The following TRMT1L variants were observed in gnomAD, a reference collection of about 807,000 sequenced individuals.
TRMT1L encodes the protein tRNA (guanine(27)-N(2))-dimethyltransferase.
Under a neutral mutation model 81.6 loss-of-function variants are expected in TRMT1L, and 28 were observed. That is an observed-to-expected ratio of 0.34 (90% CI 0.25 to 0.47). The LOEUF is 0.47. TRMT1L is among the 20% of genes least tolerant of loss of function. The probability of loss-of-function intolerance (pLI) is 1.00; values close to 1 mark genes in which losing one functional copy is unlikely to be tolerated. For synonymous variants in TRMT1L, 301 were observed against 303.2 expected, an observed-to-expected ratio of 0.99 and a Z score of 0.07; for missense variants, 739 against 877.1, an observed-to-expected ratio of 0.84 and a Z score of 1.99.
intron 4 of TRMT1L, 58 bp downstream of exon 4, chr1:185,147,124 T>G: frequency 7.9e-7 from 1 of 1,265,014 alleles, no homozygotes; most frequent in Non-Finnish European, 1.1e-6. Flanking sequence ...TAAGTAAAAA[T>G]TATGCTTTCT....
At chr1:185,138,413 A>G (rs1652953601) in intron 9 of TRMT1L, among the ~76,000 whole-genome samples, 2 of 152,308 alleles carry the variant, frequency 1.3e-5, no homozygotes, top group South Asian at 4.1e-4. Flanking sequence ...AGTAAACATC[A>G]GTTTTCAGGT....
At position 185,134,126 on chromosome 1, in the gene TRMT1L, A is replaced by C. The variant is rs1280381231; in HGVS notation, c.1513+3480T>G. Among the ~76,000 whole-genome samples, 3 of 152,190 alleles carry C rather than the reference A, an allele frequency of 2.0e-5. No homozygotes were observed. In the East Asian group the frequency reaches 5.8e-4, roughly 29 times the overall value. ...AACAGCTGTGACATTTTAACTGTTT[A>C]GGGAGTCAGGCAGAGGTTATTATTT... On this transcript the variant is annotated intron_variant, in intron 10 of 14. Transcript: ENST00000367506.
chr1:185,136,543 AG>A (rs1652904627), intron 10 of TRMT1L, among the ~76,000 whole-genome samples: 1 of 152,242 alleles, frequency 6.6e-6, no homozygotes, highest in African/African-American at 2.4e-5. Context: ...TCATATTTGT[AG>A]GAAGCTTCAA....
rs1221713704 is a variant in TRMT1L at position 185,123,874 on chromosome 1, T to A, written c.1805A>T (p.Asp602Val). 1 of 1,514,720 alleles carries A rather than the reference T, an allele frequency of 6.6e-7. No individual in the cohort carries two copies. The highest frequency in any genetic ancestry group is 2.4e-5 in the Admixed American group (1 of 41,826). The allele number at this position is 1,514,720 out of a possible 1,614,324, so 93.8% of individuals were successfully genotyped here. Reference sequence around the variant, plus strand: ...ATACATACCTTGTGCAATGTAATTATCTGTTGTGGTGTCATCTGTAGTTTT... The same window carrying A: ...ATACATACCTTGTGCAATGTAATTAACTGTTGTGGTGTCATCTGTAGTTTT... ...FIKTTDDTTT[D>V]NYIAQGKRKS... The change falls in exon 13 of 15, where the codon GAT (aspartate) becomes GTT (valine). Residue 602 changes from aspartate to valine, a missense_variant. Around this residue, in one of 4 missense-constraint regions of TRMT1L, gnomAD observed 196 missense variants for 232.6 expected, o/e 0.84. Coordinates refer to ENST00000367506, the MANE Select transcript of TRMT1L (RefSeq NM_030934.5).
chr1:185,122,138 A>G (rs1652515407), intron 13 of TRMT1L, among the ~76,000 whole-genome samples: 1 of 152,190 alleles, frequency 6.6e-6, no homozygotes, highest in Non-Finnish European at 1.5e-5. Flanking sequence ...TTATGGCTGC[A>G]TAGTATTCCT....
chr1:185,124,350 T>C (rs1328367315), intron 12 of TRMT1L, among the ~76,000 whole-genome samples: 1 of 151,910 alleles, frequency 6.6e-6, no homozygotes, highest in African/African-American at 2.4e-5. Context: ...TGTTTTTTTT[T>C]TCTTTTTTTA....
Position 185,125,067 on chromosome 1 carries a change from A to G in TRMT1L, c.1636T>C (p.Phe546Leu), listed in dbSNP as rs1015591613. 1.9e-6 allele frequency: 3 copies of G among 1,612,356 alleles called. No individual in the cohort carries two copies. The highest frequency in any genetic ancestry group is 2.7e-5 in the African/African-American group (2 of 74,902). Reference protein sequence around the residue: ...FNTGFLKRMLFESLHHGLDDI... With the variant: ...FNTGFLKRMLLESLHHGLDDI... ...TCCAAACCATGGTGAAGAGATTCAA[A>G]TAGCATTCTTTTGAGGAATCCAGTA... is the stretch of plus-strand genomic sequence containing the variant. The change falls in exon 12 of 15, where the codon TTT (phenylalanine) becomes CTT (leucine). Residue 546 changes from phenylalanine to leucine, a missense_variant. Transcript: ENST00000367506.
rs1653116621 is a variant in TRMT1L at position 185,143,920 on chromosome 1, T to C, written c.765A>G (p.Lys255=). 1.2e-6 allele frequency: 2 copies of C among 1,606,926 alleles called. No homozygotes were observed. Among genetic ancestry groups the C allele is most frequent in the Non-Finnish European group, 1.7e-6 (2 of 1,175,646 alleles). ...ATTTATCTTACCGATTTAGTTTCATTTTGGGGTTAAAATAGGAATCTGTTT... is the reference window on the plus strand; with the variant it reads ...ATTTATCTTACCGATTTAGTTTCATCTTGGGGTTAAAATAGGAATCTGTTT... ...PQKTDSYFNP[K]MKLNRQLIFC... is the part of the protein sequence containing the mutation. The change falls in exon 6 of 15, where the codon AAA becomes AAG. Residue 255 remains lysine (K), a synonymous_variant. Coordinates refer to ENST00000367506, the MANE Select transcript of TRMT1L (RefSeq NM_030934.5).
Position 185,139,428 on chromosome 1 carries a change from T to C in TRMT1L, c.1261A>G (p.Ile421Val). 6.2e-7 allele frequency: 1 copy of C among 1,614,158 alleles called. No individual in the cohort carries two copies. Among genetic ancestry groups the C allele is most frequent in the Non-Finnish European group, 8.5e-7 (1 of 1,180,012 alleles). Residue 421 changes from isoleucine to valine, a missense_variant, in exon 9 of 15, where the codon ATT becomes GTT. Ile to Val is a conservative substitution (Grantham distance 29, BLOSUM62 3). This residue lies in a region of TRMT1L where 331 missense variants were observed against 462.2 expected (regional missense o/e 0.72). Coordinates refer to ENST00000367506, the MANE Select transcript of TRMT1L (RefSeq NM_030934.5). ...HVARRHYGCN[I>V]VRTEYYKELA... Reference sequence around the variant, plus strand: ...TCCTTGTAATATTCAGTTCGGACAATGTTACATCCGTAGTGACGCCGGGCA... The same window carrying C: ...TCCTTGTAATATTCAGTTCGGACAACGTTACATCCGTAGTGACGCCGGGCA...
intron 13 of TRMT1L, among the ~76,000 whole-genome samples, chr1:185,121,181 G>A (rs1652491986): frequency 1.3e-5 from 2 of 152,268 alleles, no homozygotes; most frequent in African/African-American, 4.8e-5. Flanking sequence ...GAAAACAACT[G>A]AGATATCCAA....
At position 185,119,781 on chromosome 1, in the gene TRMT1L, C is replaced by G; in HGVS notation, c.*238G>C. On this transcript the variant is annotated 3_prime_UTR_variant, in exon 15 of 15. Transcript: ENST00000367506. ...AAGCAGTAGGGTGATCTCAGTGAGA[C>G]TTGGCTTCATATGAAATGTTTCCAT... 1 of 412,618 alleles carries G rather than the reference C, an allele frequency of 2.4e-6. No homozygotes were observed. Among genetic ancestry groups the G allele is most frequent in the East Asian group, 3.8e-5 (1 of 26,600 alleles). 25.6% of individuals were successfully genotyped at this position (412,618 alleles called of 1,614,324 possible). A position where few individuals can be genotyped will look rare whatever the true frequency, so the allele number is the denominator to read the frequency against.
rs1213556452 is a variant in TRMT1L at position 185,118,337 on chromosome 1, A to G, written c.*1682T>C. Reference sequence around the variant, plus strand: ...ACCTTTATATGTGAAATTAATATACACATATATTTTAGGTAACAGTAATTT... The same window carrying G: ...ACCTTTATATGTGAAATTAATATACGCATATATTTTAGGTAACAGTAATTT... On this transcript the variant is annotated 3_prime_UTR_variant, in exon 15 of 15. Coordinates refer to ENST00000367506, the MANE Select transcript of TRMT1L (RefSeq NM_030934.5). 1 of 152,174 alleles carries G rather than the reference A, an allele frequency of 6.6e-6. No homozygotes were observed. Among genetic ancestry groups the G allele is most frequent in the Non-Finnish European group, 1.5e-5 (1 of 68,026 alleles). 9.4% of individuals were successfully genotyped at this position (152,174 alleles called of 1,614,324 possible).
At chr1:185,133,511 T>A (rs557775426) in intron 10 of TRMT1L, among the ~76,000 whole-genome samples, 1 of 152,014 alleles carries the variant, frequency 6.6e-6, no homozygotes, top group African/African-American at 2.4e-5. Flanking sequence ...ATGGCAAAAG[T>A]AATGGAGTAT....
chr1:185,123,946 A>T (rs1285559864), intron 12 of TRMT1L, 27 bp from the exon 13 acceptor site: 2 of 1,296,132 alleles, frequency 1.5e-6, no homozygotes, highest in Non-Finnish European at 2.1e-6. Flanking sequence ...ATGGGAAAAG[A>T]AAATATTTTA....
chr1:185,133,363 T>C (rs1652820305), intron 10 of TRMT1L, among the ~76,000 whole-genome samples: 1 of 152,018 alleles, frequency 6.6e-6, no homozygotes, highest in African/African-American at 2.4e-5. Flanking sequence ...ATGCCCGGAT[T>C]CATATGGTTT....
At chr1:185,120,588 A>C in intron 13 of TRMT1L, 79 bp from the exon 14 acceptor site, 1 of 1,258,930 alleles carries the variant, frequency 7.9e-7, no homozygotes, top group Non-Finnish European at 1.0e-6. Flanking sequence ...ATTTATCTCA[A>C]GTATAAATCC....
intron 11 of TRMT1L, among the ~76,000 whole-genome samples, chr1:185,127,444 C>T (rs12086086): frequency 1.3e-5 from 2 of 151,998 alleles, no homozygotes; most frequent in Non-Finnish European, 2.9e-5. Context: ...TCACAATGTT[C>T]TTAGGAATCT....
chr1:185,150,928 G>A (rs1653327675), intron 2 of TRMT1L, among the ~76,000 whole-genome samples: 1 of 152,174 alleles, frequency 6.6e-6, no homozygotes, highest in African/African-American at 2.4e-5. Flanking sequence ...AACAAAAACA[G>A]TTAACATGTG....
intron 7 of TRMT1L, among the ~76,000 whole-genome samples, chr1:185,141,474 C>T (rs933001306): frequency 7.9e-5 from 12 of 152,030 alleles, no homozygotes; most frequent in African/African-American, 2.4e-4. Context: ...GAGGCTGGGG[C>T]GGGTGGATCA....
Sources: allele counts gnomAD v4.1 joint callset (sites outside exome capture counted in the v4.1 genomes callset), GRCh38; gene constraint gnomAD v4.1.1; regional missense constraint gnomAD v4.1.1; transcripts MANE v1.5; gene names NCBI Gene and HGNC (gene_info 2026-07-23, HGNC 2026-07-21).